CSMD3: variants seen among roughly 807,000 people sequenced by gnomAD.
CSMD3 encodes CUB and sushi domain-containing protein 3.
CSMD3 carries 177 observed loss-of-function variants against 435.2 expected under a neutral mutation model. The ratio of observed to expected loss-of-function variants is 0.41; its 90% confidence interval spans 0.36 to 0.46. The LOEUF (loss-of-function observed/expected upper bound fraction) is 0.46, where lower values mean the gene tolerates loss of function less well. Among genes scored for constraint, CSMD3 ranks in the 20% least tolerant of loss-of-function variants. The pLI is 0.34. For synonymous variants in CSMD3, 1,656 were observed against 1,520.5 expected, an observed-to-expected ratio of 1.09 and a Z score of -2.07; for missense variants, 4,265 against 4,504.6, an observed-to-expected ratio of 0.95 and a Z score of 1.52.
At chr8:113,089,390 C>T (rs556144645) in intron 5 of CSMD3, among the ~76,000 whole-genome samples, 2 of 151,888 alleles carry the variant, frequency 1.3e-5, no homozygotes, top group South Asian at 4.2e-4. Flanking sequence ...TTCTATTTTC[C>T]ACAAAATAAT....
intron 5 of CSMD3, among the ~76,000 whole-genome samples, chr8:113,055,207 G>A (rs773231049): frequency 6.6e-6 from 1 of 152,066 alleles, no homozygotes; most frequent in Non-Finnish European, 1.5e-5. Context: ...CTGGAGTGCA[G>A]TGGCGTGATC....
At chr8:113,082,386 T>C (rs1411680301) in intron 5 of CSMD3, among the ~76,000 whole-genome samples, 1 of 152,176 alleles carries the variant, frequency 6.6e-6, no homozygotes, top group Non-Finnish European at 1.5e-5. Flanking sequence ...TGAAATTGAT[T>C]ACAGCTAAGT....
intron 22 of CSMD3, among the ~76,000 whole-genome samples, chr8:112,589,504 C>A (rs186724801): frequency 6.6e-6 from 1 of 152,050 alleles, no homozygotes; most frequent in Non-Finnish European, 1.5e-5. Flanking sequence ...TAAAATATTA[C>A]GGATAATTCT....
intron 22 of CSMD3, among the ~76,000 whole-genome samples, chr8:112,608,572 C>T (rs1478227211): frequency 6.6e-6 from 1 of 151,878 alleles, no homozygotes; most frequent in Non-Finnish European, 1.5e-5. Flanking sequence ...TACCAGCACA[C>T]TGGCATGAAA....
At chr8:112,827,624 G>A (rs2079737238) in intron 12 of CSMD3, among the ~76,000 whole-genome samples, 1 of 152,162 alleles carries the variant, frequency 6.6e-6, no homozygotes, top group South Asian at 2.1e-4. Flanking sequence ...AATTTACTAT[G>A]TATCATTAAT....
chr8:113,404,126 G>C (rs1325585747), intron 1 of CSMD3, among the ~76,000 whole-genome samples: 1 of 151,294 alleles, frequency 6.6e-6, no homozygotes, highest in Non-Finnish European at 1.5e-5. Flanking sequence ...AAAAAAGTGG[G>C]CTTAGAAAAT....
At chr8:112,920,248 A>G (rs1236962931) in intron 10 of CSMD3, among the ~76,000 whole-genome samples, 1 of 152,016 alleles carries the variant, frequency 6.6e-6, no homozygotes, top group East Asian at 1.9e-4. Context: ...TTCATGATTA[A>G]CAGTTAAATT....
chr8:112,449,455 C>T lies in CSMD3; in HGVS notation c.5395+23136G>A, dbSNP rs117001673. Among the ~76,000 whole-genome samples, 314 of 151,930 alleles carry T rather than the reference C, an allele frequency of 2.1e-3. 10 individuals carry two copies. In the East Asian group the frequency reaches 0.054, roughly 26 times the overall value. ...GCAGGGTAAGGAGCATTGACAGGAG[C>T]CTGATGATGAAGCTAACCCTAAGAA... is the stretch of plus-strand genomic sequence containing the variant. On this transcript the variant is annotated intron_variant, in intron 32 of 70. Transcript: ENST00000297405.
intron 11 of CSMD3, among the ~76,000 whole-genome samples, chr8:112,856,907 A>G (rs577240646): frequency 1.3e-5 from 2 of 151,956 alleles, no homozygotes; most frequent in East Asian, 3.9e-4. Context: ...GGAGTAATCT[A>G]AGAAAGCAAA....
chr8:112,630,942 T>TCACACA lies in CSMD3; in HGVS notation c.3715+5869_3715+5874dup, dbSNP rs5894090. ...TGTTACCAACAAACTACATCAGTAT[T>TCACACA]CACACACACACACACACACACACAC... On this transcript the variant is annotated intron_variant, in intron 22 of 70. Coordinates refer to ENST00000297405, the MANE Select transcript of CSMD3 (RefSeq NM_198123.2). Among the ~76,000 whole-genome samples, 903 of 140,554 alleles carry TCACACA rather than the reference T, an allele frequency of 6.4e-3. 7 individuals are homozygous for TCACACA. Among genetic ancestry groups the TCACACA allele is most frequent in the East Asian group, 0.021 (95 of 4,602 alleles). 92.2% of individuals were successfully genotyped at this position (140,554 alleles called of 152,430 possible). A position where few individuals can be genotyped will look rare whatever the true frequency, so the allele number is the denominator to read the frequency against.
intron 13 of CSMD3, among the ~76,000 whole-genome samples, chr8:112,707,493 G>C (rs1018315574): frequency 4.0e-5 from 6 of 150,426 alleles, no homozygotes; most frequent in African/African-American, 1.5e-4. Context: ...CGGGAGGGGG[G>C]TGGTTCCTAG....
chr8:112,652,056 A>G (rs533745006), intron 18 of CSMD3, among the ~76,000 whole-genome samples: 2 of 152,150 alleles, frequency 1.3e-5, no homozygotes, highest in Non-Finnish European at 1.5e-5. Flanking sequence ...AAAATGTTGG[A>G]CATACGTATA....
At chr8:113,143,260 C>T (rs889633652) in intron 4 of CSMD3, among the ~76,000 whole-genome samples, 1 of 151,072 alleles carries the variant, frequency 6.6e-6, no homozygotes, top group African/African-American at 2.4e-5. Context: ...AAATTAAAAC[C>T]ACAATGAAAT....
At chr8:112,350,479 T>C (rs545647193) in intron 40 of CSMD3, among the ~76,000 whole-genome samples, 1 of 152,220 alleles carries the variant, frequency 6.6e-6, no homozygotes, top group Non-Finnish European at 1.5e-5. Flanking sequence ...AACTCTAAAT[T>C]ATTTGATAAC....
intron 10 of CSMD3, among the ~76,000 whole-genome samples, chr8:112,895,049 C>T (rs1218632121): frequency 2.6e-5 from 4 of 151,310 alleles, no homozygotes; most frequent in East Asian, 2.0e-4. Context: ...ACACATTCCT[C>T]TTATTTGTCC....
intron 23 of CSMD3, among the ~76,000 whole-genome samples, chr8:112,584,151 T>C (rs1211961940): frequency 6.6e-6 from 1 of 151,888 alleles, no homozygotes; most frequent in African/African-American, 2.4e-5. Context: ...TTGGAAGCAC[T>C]ACAGTAAAAT....
At chr8:112,341,392 T>C in intron 42 of CSMD3, 85 bp downstream of exon 42, 1 of 888,732 alleles carries the variant, frequency 1.1e-6, no homozygotes, top group South Asian at 1.5e-5. Context: ...TAAAACAGAA[T>C]ACAGAAAATA....
In CSMD3 at chr8:112,755,331, AAATAAT is replaced by A. The variant is rs71309790; in HGVS notation, c.1972+44825_1972+44830del. On this transcript the variant is annotated intron_variant, in intron 13 of 70. Transcript: ENST00000297405. ...GGGCGACGGAGGGAGACTCCGTCTC[AAATAAT>A]AATAATAATAATAATAATAATAATA... 7.1e-3 allele frequency among the ~76,000 whole-genome samples: 914 copies of A among 128,704 alleles called. 13 individuals are homozygous for A. The highest frequency in any genetic ancestry group is 0.02 in the African/African-American group (656 of 32,002). The allele number at this position is 128,704 out of a possible 152,430, so 84.4% of individuals were successfully genotyped here. A position where few individuals can be genotyped will look rare whatever the true frequency, so the allele number is the denominator to read the frequency against.
At chr8:112,345,421 G>A (rs1290038162) in intron 41 of CSMD3, among the ~76,000 whole-genome samples, 1 of 151,988 alleles carries the variant, frequency 6.6e-6, no homozygotes, top group Non-Finnish European at 1.5e-5. Context: ...AAAAAACAAG[G>A]GAATTCTGTC....
Sources: allele counts gnomAD v4.1 joint callset (sites outside exome capture counted in the v4.1 genomes callset), GRCh38; gene constraint gnomAD v4.1.1; transcripts MANE v1.5; gene names NCBI Gene and HGNC (gene_info 2026-07-23, HGNC 2026-07-21).